PAXIP1: variants seen among roughly 807,000 people sequenced by gnomAD.
The protein encoded by PAXIP1 is PAX-interacting protein 1.
Under a neutral mutation model 140.6 loss-of-function variants are expected in PAXIP1, and 19 were observed. The ratio of observed to expected loss-of-function variants is 0.14; its 90% CI spans 0.09 to 0.20. The LOEUF is 0.20. Ranked by LOEUF, PAXIP1 falls within the 10% of genes least tolerant of loss-of-function variation. The pLI, the probability that PAXIP1 is intolerant of heterozygous loss-of-function variation, is 1.00. For synonymous variants in PAXIP1, 442 were observed against 444.6 expected (o/e 0.99, Z 0.07); for missense variants, 920 against 1,208.6 (o/e 0.76, Z 3.54).
At chr7:154,979,798 A>G (rs1809759072) in intron 5 of PAXIP1, among the ~76,000 whole-genome samples, 1 of 152,192 alleles carries the variant, frequency 6.6e-6, no homozygotes, top group African/African-American at 2.4e-5. Flanking sequence ...AGAACCAGGG[A>G]AGAGGCGAGG....
At chr7:154,968,316 A>G in intron 7 of PAXIP1, 87 bp downstream of exon 7, 2 of 1,095,444 alleles carry the variant, frequency 1.8e-6, no homozygotes, top group South Asian at 1.6e-5. Context: ...TTTGATATGA[A>G]TCCTCACCCC....
At chr7:154,968,003 T>C (rs1333617262) in intron 7 of PAXIP1, 93 bp from the exon 8 acceptor site, 1 of 760,074 alleles carries the variant, frequency 1.3e-6, no homozygotes, top group African/African-American at 1.7e-5. Context: ...TGTCAATCTG[T>C]TATGTTTATC....
At chr7:154,980,403 TTATACA>T (rs1809786825) in intron 5 of PAXIP1, among the ~76,000 whole-genome samples, 2 of 152,178 alleles carry the variant, frequency 1.3e-5, no homozygotes, top group Non-Finnish European at 1.5e-5. Flanking sequence ...CTTATATATG[TTATACA>T]TATACAAATA....
In PAXIP1 at chr7:154,961,544, T is replaced by G. The variant is rs987477519; in HGVS notation, c.2232A>C (p.Thr744=). Residue 744 remains threonine (T), a synonymous_variant, in exon 11 of 21, where the codon ACA becomes ACC. Transcript: ENST00000404141. ...TTGCTTACTCTTTACAGATGAGGAC[T>G]GTGTTGCTGCGGCATAGATAACCCG... The part of the protein sequence containing the change: ...KYTGYLCRSN[T]VLICKEPTGL... 6.2e-7 allele frequency: 1 copy of G among 1,606,642 alleles called. No homozygotes were observed. Among genetic ancestry groups the G allele is most frequent in the African/African-American group, 1.3e-5 (1 of 74,834 alleles).
Position 154,963,121 on chromosome 7 carries a change from T to C in PAXIP1, c.1989+550A>G, listed in dbSNP as rs574652287. 1.1e-4 allele frequency among the ~76,000 whole-genome samples: 16 copies of C among 152,284 alleles called. No individual in the cohort carries two copies. Among genetic ancestry groups the C allele is most frequent in the Non-Finnish European group, 2.1e-4 (14 of 68,028 alleles). On this transcript the variant is annotated intron_variant, in intron 9 of 20. Transcript: ENST00000404141. This position sits in a 1 kb window ranked among gnomAD's most constrained non-coding sequence, Gnocchi z 4.1. ...CACCAGTACAGAATCCTGCGTCCCT[T>C]CACCGTGCACAGAGAGCAGCTGGAA...
intron 5 of PAXIP1, among the ~76,000 whole-genome samples, chr7:154,981,978 C>A (rs1486859431): frequency 6.6e-6 from 1 of 152,084 alleles, no homozygotes; most frequent in Non-Finnish European, 1.5e-5. Context: ...AATTCAAAAC[C>A]GCTTTGACAA....
At position 154,944,017 on chromosome 7, in the gene PAXIP1, T is replaced by C. The variant is rs1484395438; in HGVS notation, c.*132A>G. The C allele has an allele frequency of 1.3e-6, 1 of 790,572 alleles. No homozygotes were observed. Among genetic ancestry groups the C allele is most frequent in the Non-Finnish European group, 2.2e-6 (1 of 451,328 alleles). The allele number at this position is 790,572 out of a possible 1,614,324, so 49.0% of individuals were successfully genotyped here. ...AGTATATTTATTATATCTGTCTTCCTGCTTCACAGTCTGATCCCCCAGGAA... is the reference window on the plus strand; with the variant it reads ...AGTATATTTATTATATCTGTCTTCCCGCTTCACAGTCTGATCCCCCAGGAA... On this transcript the variant is annotated 3_prime_UTR_variant, in exon 21 of 21. Coordinates refer to ENST00000404141, the MANE Select transcript of PAXIP1 (RefSeq NM_007349.4).
intron 16 of PAXIP1, chr7:154,950,453 G>A (rs1342570526): frequency 6.6e-6 from 1 of 152,192 alleles, no homozygotes; most frequent in Non-Finnish European, 1.5e-5. Flanking sequence ...CTATTAGAAT[G>A]GCCAAAACCC....
rs193175866 is a variant in PAXIP1 at position 154,991,259 on chromosome 7, T to C, written c.261-190A>G. ...GGTGGCACAGAAAGAACTGAGTGCTTTTCTGTAAAGCACATTTTGAAATCC... is the reference window on the plus strand; with the variant it reads ...GGTGGCACAGAAAGAACTGAGTGCTCTTCTGTAAAGCACATTTTGAAATCC... On this transcript the variant is annotated intron_variant, in intron 3 of 20. Transcript: ENST00000404141. Among the ~76,000 whole-genome samples the C allele has an allele frequency of 8.5e-4, 130 of 152,288 alleles. No homozygotes were observed. In the Middle Eastern group the frequency reaches 0.02, roughly 24 times the overall value.
At chr7:154,945,545 T>C in intron 20 of PAXIP1, 1 of 985,336 alleles carries the variant, frequency 1.0e-6, no homozygotes, top group Non-Finnish European at 1.2e-6. Flanking sequence ...AAACACAAAA[T>C]TCCCCTGCTT....
chr7:155,001,850 C>T (rs1419541650), intron 1 of PAXIP1: 1 of 152,204 alleles, frequency 6.6e-6, no homozygotes, highest in Admixed American at 6.5e-5. Context: ...GTTACAAGGA[C>T]GAACCTCAAG....
intron 6 of PAXIP1, among the ~76,000 whole-genome samples, chr7:154,970,979 T>C (rs1809286248): frequency 6.6e-6 from 1 of 152,198 alleles, no homozygotes; most frequent in African/African-American, 2.4e-5. Flanking sequence ...CATTACCAAA[T>C]GCTGCTCCCC....
chr7:154,967,898 C>T lies in PAXIP1; in HGVS notation c.1811G>A (p.Gly604Asp). 1 of 1,611,208 alleles carries T rather than the reference C, an allele frequency of 6.2e-7. No homozygotes were observed. The highest frequency in any genetic ancestry group is 8.5e-7 in the Non-Finnish European group (1 of 1,178,010). The change falls in exon 8 of 21, where the codon GGC (glycine) becomes GAC (aspartate). Residue 604 changes from glycine to aspartate, a missense_variant. By Grantham distance (94) the Gly-to-Asp change is moderately conservative. Coordinates refer to ENST00000404141, the MANE Select transcript of PAXIP1 (RefSeq NM_007349.4). Reference sequence around the variant, plus strand: ...TGCAAACACACATCCCAATAAGAAGCCTTCTTCTGGAACTAGAGTAAAATT... The same window carrying T: ...TGCAAACACACATCCCAATAAGAAGTCTTCTTCTGGAACTAGAGTAAAATT... The part of the protein sequence containing the change: ...HDPAVEIPEE[G>D]FLLGCVFAIA...
chr7:154,963,319 C>T lies in PAXIP1; in HGVS notation c.1989+352G>A, dbSNP rs370250834. On this transcript the variant is annotated intron_variant, in intron 9 of 20. Transcript: ENST00000404141. This position sits in a 1 kb window ranked among gnomAD's most constrained non-coding sequence, Gnocchi z 4.1. ...GCCTCCTGAGTAGCTGGGATTAGAG[C>T]TGCGCACCACCACACCTGGCTAATT... Among the ~76,000 whole-genome samples, 1 of 152,032 alleles carries T rather than the reference C, an allele frequency of 6.6e-6. No homozygotes were observed. Among genetic ancestry groups the T allele is most frequent in the African/African-American group, 2.4e-5 (1 of 41,396 alleles).
At chr7:154,997,024 A>G (rs1810661087) in intron 2 of PAXIP1, among the ~76,000 whole-genome samples, 1 of 152,160 alleles carries the variant, frequency 6.6e-6, no homozygotes, top group Admixed American at 6.5e-5. Flanking sequence ...GAAAGTTTGT[A>G]GGAAGGAGAA....
At chr7:154,983,486 T>C in intron 4 of PAXIP1, 154 bp from the exon 5 acceptor site, 1 of 569,798 alleles carries the variant, frequency 1.8e-6, no homozygotes. Flanking sequence ...CTTTTAGCTA[T>C]CTGCTTATTA....
chr7:154,945,227 A>G (rs1390287847), intron 20 of PAXIP1: 4 of 152,060 alleles, frequency 2.6e-5, no homozygotes, highest in Non-Finnish European at 4.4e-5. Context: ...CAGGTGATCC[A>G]CCTGTCTTGG....
At chr7:154,995,754 A>G (rs1163459765) in intron 2 of PAXIP1, among the ~76,000 whole-genome samples, 1 of 152,054 alleles carries the variant, frequency 6.6e-6, no homozygotes, top group Non-Finnish European at 1.5e-5. Flanking sequence ...GGAGGCTGAG[A>G]GAGGAGAATC....
At chr7:154,962,488 T>G (rs759562106) in intron 9 of PAXIP1, 30 bp from the exon 10 acceptor site, 1 of 1,590,590 alleles carries the variant, frequency 6.3e-7, no homozygotes, top group Admixed American at 1.8e-5. Flanking sequence ...AGGTTTGTTG[T>G]TTTTGTTTTT....
Sources: gnomAD v4.1 joint callset for allele counts (sites outside exome capture counted in the v4.1 genomes callset) on GRCh38, gnomAD v4.1.1 for gene constraint, Gnocchi (gnomAD v3.1) non-coding constraint, MANE v1.5 for transcripts, NCBI Gene and HGNC (gene_info 2026-07-23, HGNC 2026-07-21) for gene names.